Variants in LIPI observed in about 807,000 individuals in gnomAD.
LIPI encodes lipase I, also known as lipase member I.
Under a neutral mutation model 50.6 loss-of-function variants are expected in LIPI, and 59 were observed. The ratio of observed to expected loss-of-function variants is 1.16; its 90% CI spans 0.94 to 1.45. LIPI has a LOEUF of 1.45. Ranked by LOEUF, LIPI falls within the 40% of genes most tolerant of loss-of-function variation. The pLI is 0.00. For missense variants in LIPI, 586 were observed against 536.3 expected (o/e 1.09, Z -0.92); for synonymous variants, 203 against 178.2 (o/e 1.14, Z -1.11).
intron 9 of LIPI, chr21:14,144,413 T>G (rs1294224112): frequency 1.0e-5 from 4 of 399,782 alleles, no homozygotes; most frequent in Non-Finnish European, 1.8e-5. Flanking sequence ...GTATTTTTTC[T>G]TTGATTAGAC....
intron 8 of LIPI, among the ~76,000 whole-genome samples, chr21:14,150,066 C>T (rs1022713139): frequency 6.6e-6 from 1 of 152,222 alleles, no homozygotes; most frequent in Non-Finnish European, 1.5e-5. Context: ...AGAGGTTCTC[C>T]ATGAGGGCTC....
intron 9 of LIPI, among the ~76,000 whole-genome samples, chr21:14,133,326 G>T (rs2017368197): frequency 6.6e-6 from 1 of 152,170 alleles, no homozygotes; most frequent in Admixed American, 6.5e-5. Flanking sequence ...TGCAAGGATA[G>T]TTCCACATGT....
intron 6 of LIPI, among the ~76,000 whole-genome samples, chr21:14,164,427 T>G (rs1218062603): frequency 6.6e-6 from 1 of 152,186 alleles, no homozygotes; most frequent in African/African-American, 2.4e-5. Context: ...GCCTGAACAG[T>G]GCATACCCCT....
At chr21:14,191,309 G>A (rs1162752009) in intron 1 of LIPI, among the ~76,000 whole-genome samples, 6 of 148,974 alleles carry the variant, frequency 4.0e-5, no homozygotes, top group South Asian at 2.1e-4. Context: ...CCCGGGAGGC[G>A]GAGCTTGCAG....
At chr21:14,172,438 T>C (rs1320105010) in intron 4 of LIPI, among the ~76,000 whole-genome samples, 1 of 152,112 alleles carries the variant, frequency 6.6e-6, no homozygotes, top group Non-Finnish European at 1.5e-5. Flanking sequence ...GCAGCACTAT[T>C]CACAATAGCA....
intron 7 of LIPI, among the ~76,000 whole-genome samples, chr21:14,159,336 C>G (rs188680158): frequency 1.3e-5 from 2 of 151,520 alleles, no homozygotes; most frequent in South Asian, 2.1e-4. Flanking sequence ...GAATGCAAAG[C>G]TTGTTCAACA....
chr21:14,135,920 A>C (rs144037378), intron 9 of LIPI, among the ~76,000 whole-genome samples: 235 of 152,262 alleles, frequency 1.5e-3, no homozygotes, highest in African/African-American at 5.5e-3. Context: ...ACTTGAAGGA[A>C]GGAGAGGTAA....
chr21:14,117,711 T>G (rs1210676179), intron 9 of LIPI, among the ~76,000 whole-genome samples: 1 of 152,130 alleles, frequency 6.6e-6, no homozygotes, highest in Non-Finnish European at 1.5e-5. Context: ...AGTGCATGGT[T>G]AATGCAGCAT....
At chr21:14,148,096 T>C (rs1035478397) in intron 8 of LIPI, among the ~76,000 whole-genome samples, 1 of 152,018 alleles carries the variant, frequency 6.6e-6, no homozygotes. Flanking sequence ...AAAAATAACA[T>C]TCAGTATAAA....
intron 1 of LIPI, chr21:14,206,834 T>C: frequency 1.2e-6 from 2 of 1,608,864 alleles, no homozygotes; most frequent in Non-Finnish European, 1.7e-6. Flanking sequence ...GGCACACAAC[T>C]AGAAGCCACA....
chr21:14,158,845 A>T (rs559603877), intron 7 of LIPI, among the ~76,000 whole-genome samples: 1 of 151,234 alleles, frequency 6.6e-6, no homozygotes, highest in Non-Finnish European at 1.5e-5. Flanking sequence ...CATTAAAAAG[A>T]TAAATTTTAA....
intron 7 of LIPI, among the ~76,000 whole-genome samples, chr21:14,154,400 T>C (rs912944865): frequency 1.3e-5 from 2 of 151,826 alleles, no homozygotes; most frequent in Non-Finnish European, 2.9e-5. Flanking sequence ...AGAAAAAGAC[T>C]GAGAAAGACT....
intron 3 of LIPI, among the ~76,000 whole-genome samples, chr21:14,183,948 C>G (rs376961959): frequency 1.4e-4 from 22 of 152,280 alleles, no homozygotes; most frequent in East Asian, 3.9e-4. Context: ...ACTAGAAATA[C>G]CATTTGACCC....
intron 9 of LIPI, among the ~76,000 whole-genome samples, chr21:14,128,419 TC>T (rs747743954): frequency 2.0e-5 from 3 of 152,204 alleles, no homozygotes; most frequent in East Asian, 3.9e-4. Context: ...CAAAGGTGCT[TC>T]TGAGCTGAGA....
chr21:14,146,609 A>C (rs1012458433), intron 8 of LIPI, among the ~76,000 whole-genome samples: 2 of 152,026 alleles, frequency 1.3e-5, no homozygotes, highest in African/African-American at 2.4e-5. Context: ...GAAAAATCCA[A>C]CTGTGGCCTC....
At chr21:14,165,092 T>A (rs549992452) in intron 6 of LIPI, 131 bp downstream of exon 6, 2 of 689,072 alleles carry the variant, frequency 2.9e-6, no homozygotes, top group Admixed American at 4.4e-5. Flanking sequence ...TCTCTACAGA[T>A]GATTTTTCCA....
chr21:14,129,351 A>G (rs2017193047), intron 9 of LIPI, among the ~76,000 whole-genome samples: 1 of 152,128 alleles, frequency 6.6e-6, no homozygotes, highest in Admixed American at 6.5e-5. Context: ...GAATGCATTT[A>G]TATATATTTG....
At chr21:14,207,896 T>A (rs888870887) in intron 1 of LIPI, among the ~76,000 whole-genome samples, 1 of 152,188 alleles carries the variant, frequency 6.6e-6, no homozygotes, top group Non-Finnish European at 1.5e-5. Flanking sequence ...TAGAGTGAGA[T>A]AGTATTACAG....
At chr21:14,147,070 C>T (rs1458823043) in intron 8 of LIPI, among the ~76,000 whole-genome samples, 1 of 152,086 alleles carries the variant, frequency 6.6e-6, no homozygotes, top group Non-Finnish European at 1.5e-5. Context: ...AGCCACCATG[C>T]CCAGCCCCAG....
Sources: gnomAD v4.1 joint callset for allele counts (sites outside exome capture counted in the v4.1 genomes callset) on GRCh38, gnomAD v4.1.1 for gene constraint, MANE v1.5 for transcripts, NCBI Gene and HGNC (gene_info 2026-07-23, HGNC 2026-07-21) for gene names.